Variants in ATP8A1 observed in about 807,000 individuals in gnomAD.
ATP8A1 encodes ATPase phospholipid transporting 8A1, also known as phospholipid-transporting ATPase IA.
Under a neutral mutation model 177.7 loss-of-function variants are expected in ATP8A1, and 90 were observed. That is an observed-to-expected ratio of 0.51 (90% CI 0.43 to 0.60). The LOEUF (loss-of-function observed/expected upper bound fraction) is 0.60, where lower values mean the gene tolerates loss of function less well. Among genes scored for constraint, ATP8A1 ranks in the 20% least tolerant of loss-of-function variants. The pLI is 0.00. For missense variants in ATP8A1, 1,072 were observed against 1,392.8 expected (o/e 0.77, Z 3.67); for synonymous variants, 493 against 485.9 (o/e 1.01, Z -0.19).
At chr4:42,565,207 A>G (rs1388189292) in intron 15 of ATP8A1, among the ~76,000 whole-genome samples, 1 of 152,234 alleles carries the variant, frequency 6.6e-6, no homozygotes, top group Non-Finnish European at 1.5e-5. Context: ...GTGACTCAAC[A>G]TCTTTCTAAA....
intron 5 of ATP8A1, among the ~76,000 whole-genome samples, chr4:42,613,450 T>G (rs1391451416): frequency 2.0e-5 from 3 of 152,182 alleles, no homozygotes; most frequent in African/African-American, 7.2e-5. Flanking sequence ...AACCTATGCA[T>G]GTCCTTTCAT....
intron 33 of ATP8A1, among the ~76,000 whole-genome samples, chr4:42,425,244 G>A (rs1041392393): frequency 6.6e-6 from 1 of 152,008 alleles, no homozygotes; most frequent in Non-Finnish European, 1.5e-5. Flanking sequence ...AAGAGAAGGA[G>A]GATTTATTCT....
rs1382212580 is a variant in ATP8A1 at position 42,556,035 on chromosome 4, T to C, written c.1346A>G (p.Asn449Ser). Residue 449 changes from asparagine to serine, a missense_variant, in exon 16 of 37, where the codon AAC (asparagine) becomes AGC (serine). Transcript: ENST00000381668. Reference sequence around the variant, plus strand: ...TGTTTTTTCATCTCCAAACTGTGAGTTCTGCCTGAAGGGGGTAAAAAATAG... The same window carrying C: ...TGTTTTTTCATCTCCAAACTGTGAGCTCTGCCTGAAGGGGGTAAAAAATAG... The part of the protein sequence containing the change: ...DYGCSPDEWQ[N>S]SQFGDEKTFS... 5.6e-6 allele frequency: 9 copies of C among 1,610,902 alleles called. No homozygotes were observed. The highest frequency in any genetic ancestry group is 3.4e-6 in the Non-Finnish European group (4 of 1,178,244).
chr4:42,421,953 T>G (rs73235561), intron 35 of ATP8A1, among the ~76,000 whole-genome samples: 23,239 of 150,392 alleles, frequency 0.15, 2,153 homozygotes, highest in East Asian at 0.22. Context: ...TTGGAGGGGG[T>G]GGTGTAAGGA....
In ATP8A1 at chr4:42,509,385, GA is replaced by G. The variant is rs1257237336; in HGVS notation, c.1948-2232del. Among the ~76,000 whole-genome samples the G allele has an allele frequency of 3.9e-5, 6 of 152,328 alleles. No individual in the cohort carries two copies. In the South Asian group the frequency reaches 1.2e-3, roughly 32 times the overall value. ...AGCTGTTGAGGAAGAAGGGGGATGG[GA>G]ATGAGTGCTAAATTGGCCAGGCAAC... On this transcript the variant is annotated intron_variant, in intron 22 of 36. Transcript: ENST00000381668.
intron 23 of ATP8A1, among the ~76,000 whole-genome samples, chr4:42,505,359 C>A (rs2153193844): frequency 6.6e-6 from 1 of 152,282 alleles, no homozygotes. Context: ...TAGGAACATT[C>A]ATAATGGTGA....
At chr4:42,546,948 C>T (rs1376552550) in intron 19 of ATP8A1, among the ~76,000 whole-genome samples, 1 of 152,204 alleles carries the variant, frequency 6.6e-6, no homozygotes, top group East Asian at 1.9e-4. Context: ...GCTTAATCTT[C>T]AGCCTTCCAT....
intron 9 of ATP8A1, among the ~76,000 whole-genome samples, chr4:42,583,972 C>CAT (rs1733362522): frequency 6.6e-6 from 1 of 152,146 alleles, no homozygotes; most frequent in South Asian, 2.1e-4. Flanking sequence ...AGTCTTTAAC[C>CAT]AGATGTTCAT....
intron 24 of ATP8A1, among the ~76,000 whole-genome samples, chr4:42,489,575 T>C (rs971528113): frequency 6.6e-6 from 1 of 152,232 alleles, no homozygotes; most frequent in Admixed American, 6.5e-5. Context: ...CAAAAAAAGC[T>C]GCAAACATTT....
chr4:42,548,136 A>G (rs1035044000), intron 19 of ATP8A1, among the ~76,000 whole-genome samples: 4 of 152,226 alleles, frequency 2.6e-5, no homozygotes, highest in Non-Finnish European at 5.9e-5. Flanking sequence ...TAAGTAGGAC[A>G]ATCACTTTGC....
chr4:42,564,439 C>A (rs1307274473), intron 15 of ATP8A1, among the ~76,000 whole-genome samples: 1 of 152,214 alleles, frequency 6.6e-6, no homozygotes, highest in East Asian at 1.9e-4. Context: ...AGGGGTGGAG[C>A]TGCCCAAGGC....
At chr4:42,467,486 G>A (rs1431267159) in intron 25 of ATP8A1, among the ~76,000 whole-genome samples, 2 of 152,134 alleles carry the variant, frequency 1.3e-5, no homozygotes, top group Non-Finnish European at 2.9e-5. Flanking sequence ...GAGGTCAGGA[G>A]ATCGAGACCA....
intron 21 of ATP8A1, among the ~76,000 whole-genome samples, chr4:42,522,693 A>AG (rs77278708): frequency 2.6e-5 from 4 of 152,058 alleles, no homozygotes; most frequent in African/African-American, 7.2e-5. Flanking sequence ...CTTCCCACAT[A>AG]GGGGGGTCTT....
At chr4:42,495,630 G>T (rs367934758) in intron 24 of ATP8A1, among the ~76,000 whole-genome samples, 10 of 149,070 alleles carry the variant, frequency 6.7e-5, no homozygotes, top group South Asian at 2.1e-4. Context: ...TTTTTTTGAT[G>T]TAGTTTTTGA....
chr4:42,592,396 C>T (rs1419155657), intron 6 of ATP8A1, among the ~76,000 whole-genome samples: 10 of 151,990 alleles, frequency 6.6e-5, no homozygotes, highest in East Asian at 5.8e-4. Flanking sequence ...TAGAGTCAGA[C>T]GGCAAAGATT....
chr4:42,539,368 T>C (rs893367247), intron 20 of ATP8A1, among the ~76,000 whole-genome samples: 1 of 149,466 alleles, frequency 6.7e-6, no homozygotes, highest in African/African-American at 2.5e-5. Context: ...GAAGAATTTA[T>C]TCATGTACTA....
intron 7 of ATP8A1, among the ~76,000 whole-genome samples, chr4:42,589,960 G>A (rs1328507471): frequency 1.3e-5 from 2 of 151,994 alleles, no homozygotes; most frequent in Admixed American, 1.3e-4. Context: ...AATAAGCATC[G>A]AAATTCAGAA....
chr4:42,512,499 T>C (rs1725106002), intron 22 of ATP8A1, among the ~76,000 whole-genome samples: 1 of 152,186 alleles, frequency 6.6e-6, no homozygotes. Flanking sequence ...GGCAGGTACT[T>C]GTGCCGGGGA....
At chr4:42,511,038 T>C (rs1031447781) in intron 22 of ATP8A1, among the ~76,000 whole-genome samples, 15 of 152,204 alleles carry the variant, frequency 9.9e-5, no homozygotes, top group African/African-American at 3.6e-4. Context: ...GGGTCTACTT[T>C]GATGCCTATG....
Sources: gnomAD v4.1 joint callset for allele counts (sites outside exome capture counted in the v4.1 genomes callset) on GRCh38, gnomAD v4.1.1 for gene constraint, MANE v1.5 for transcripts, NCBI Gene and HGNC (gene_info 2026-07-23, HGNC 2026-07-21) for gene names.